CUEDC1: variants seen among roughly 807,000 people sequenced by gnomAD.
The protein encoded by CUEDC1 is CUE domain-containing protein 1.
CUEDC1 carries 30 observed loss-of-function variants against 43.7 expected under a neutral mutation model. The ratio of observed to expected loss-of-function variants is 0.69; its 90% confidence interval spans 0.51 to 0.93. CUEDC1 has a LOEUF of 0.93. Ranked by LOEUF, CUEDC1 falls within the 40% of genes least tolerant of loss-of-function variation. CUEDC1 has a pLI of 0.00. For synonymous variants in CUEDC1, 223 were observed against 223.6 expected (o/e 1.00, Z 0.02); for missense variants, 486 against 549.0 (o/e 0.89, Z 1.15).
intron 3 of CUEDC1, among the ~76,000 whole-genome samples, chr17:57,877,472 G>GA (rs1051914949): frequency 6.9e-5 from 10 of 145,192 alleles, no homozygotes; most frequent in South Asian, 2.2e-4. Flanking sequence ...TCTATTTAAA[G>GA]AAAAAAAAAT....
chr17:57,882,185 G>A (rs3785491), intron 2 of CUEDC1, among the ~76,000 whole-genome samples: 1 of 151,468 alleles, frequency 6.6e-6, no homozygotes. Context: ...CCCCAGAAAG[G>A]GTTTTTTTTT....
intron 7 of CUEDC1, among the ~76,000 whole-genome samples, chr17:57,868,697 T>C (rs1360579710): frequency 5.3e-5 from 8 of 151,990 alleles, no homozygotes; most frequent in Non-Finnish European, 7.4e-5. Context: ...CACATGGCTG[T>C]GGGTCTGTGT....
chr17:57,863,863 G>T (rs1380206092), intron 10 of CUEDC1, among the ~76,000 whole-genome samples: 2 of 151,670 alleles, frequency 1.3e-5, no homozygotes. Flanking sequence ...TAGCCGGGCG[G>T]GGTGGCACGT....
intron 1 of CUEDC1, among the ~76,000 whole-genome samples, chr17:57,917,860 C>T (rs1353870949): frequency 6.6e-6 from 1 of 152,208 alleles, no homozygotes; most frequent in Non-Finnish European, 1.5e-5. Flanking sequence ...CTCCTCCTGA[C>T]CCACCCCAAG....
rs569521836 is a variant in CUEDC1 at position 57,930,321 on chromosome 17, C to T, written c.-316+24904G>A. 2.1e-4 allele frequency among the ~76,000 whole-genome samples: 32 copies of T among 152,294 alleles called. No homozygotes were observed. Among genetic ancestry groups the T allele is most frequent in the African/African-American group, 6.5e-4 (27 of 41,570 alleles). ...TGTGAACTCCACCTGGCAAACAAGTCGGACTCCAGCAAAGGCTCACCAGTT... is the reference window on the plus strand; with the variant it reads ...TGTGAACTCCACCTGGCAAACAAGTTGGACTCCAGCAAAGGCTCACCAGTT... On this transcript the variant is annotated intron_variant, in intron 1 of 10. Transcript: ENST00000577830. The surrounding 1 kb of genome is among the most constrained non-coding windows in gnomAD (Gnocchi z 4.2).
chr17:57,869,605 C>T (rs947024062), intron 6 of CUEDC1, among the ~76,000 whole-genome samples: 8 of 152,328 alleles, frequency 5.3e-5, no homozygotes, highest in Middle Eastern at 6.8e-3. Context: ...GGGCCTCCTG[C>T]ACCCCGACAT....
chr17:57,883,534 G>A (rs2074244762), intron 2 of CUEDC1, among the ~76,000 whole-genome samples: 1 of 152,136 alleles, frequency 6.6e-6, no homozygotes, highest in Admixed American at 6.5e-5. Flanking sequence ...GACCAGCCTG[G>A]CCAACATGGT....
chr17:57,914,085 G>A (rs891584195), intron 1 of CUEDC1, among the ~76,000 whole-genome samples: 3 of 152,156 alleles, frequency 2.0e-5, no homozygotes, highest in Non-Finnish European at 2.9e-5. Context: ...CACCTGGAAG[G>A]CGGGATTTTT....
At chr17:57,870,068 C>G (rs1186866017) in intron 6 of CUEDC1, 2 of 152,580 alleles carry the variant, frequency 1.3e-5, no homozygotes, top group Admixed American at 6.5e-5. Context: ...TTTCTCCCTT[C>G]AAGCTGGGAT....
chr17:57,891,666 C>A (rs1342506995), intron 1 of CUEDC1, among the ~76,000 whole-genome samples: 1 of 152,202 alleles, frequency 6.6e-6, no homozygotes, highest in Non-Finnish European at 1.5e-5. Context: ...CACCTGGATC[C>A]TTGCTAGTCC....
At chr17:57,875,779 C>A (rs1444629521) in intron 3 of CUEDC1, among the ~76,000 whole-genome samples, 2 of 152,036 alleles carry the variant, frequency 1.3e-5, no homozygotes, top group African/African-American at 4.8e-5. Context: ...CAACTTCAAG[C>A]CCCATCGGAC....
chr17:57,871,130 G>A (rs2074028655), intron 6 of CUEDC1, among the ~76,000 whole-genome samples, 156 bp downstream of exon 6: 1 of 152,180 alleles, frequency 6.6e-6, no homozygotes, highest in African/African-American at 2.4e-5. Flanking sequence ...ATGGAGATGG[G>A]GGCAGAAGCA....
At chr17:57,926,717 T>A (rs1032800004) in intron 1 of CUEDC1, among the ~76,000 whole-genome samples, 2 of 152,266 alleles carry the variant, frequency 1.3e-5, no homozygotes, top group African/African-American at 2.4e-5. Flanking sequence ...GAAGTCATTA[T>A]AAAGTGAAGG....
intron 1 of CUEDC1, among the ~76,000 whole-genome samples, chr17:57,922,872 CCT>C (rs57540458): frequency 1.3e-5 from 2 of 148,774 alleles, no homozygotes; most frequent in Non-Finnish European, 3.0e-5. Flanking sequence ...GGAATTTCTC[CCT>C]CTCTCTTTTT....
chr17:57,944,360 G>A (rs2585834), intron 1 of CUEDC1, among the ~76,000 whole-genome samples: 85,020 of 151,172 alleles, frequency 0.56, 27,573 homozygotes, highest in East Asian at 0.97. Flanking sequence ...ACAGGCATGC[G>A]CCACCACGCC....
chr17:57,875,597 A>C (rs961376528), intron 3 of CUEDC1, among the ~76,000 whole-genome samples: 4 of 152,206 alleles, frequency 2.6e-5, no homozygotes, highest in Non-Finnish European at 5.9e-5. Flanking sequence ...AAAACTTCCA[A>C]GGCTGTAATT....
Position 57,905,136 on chromosome 17 carries a change from C to T in CUEDC1, c.-315-19257G>A, listed in dbSNP as rs778606715. On this transcript the variant is annotated intron_variant, in intron 1 of 10. Transcript: ENST00000577830. ...CCAGGCCTAACTGGGCCTTCCTGAGCGAATGAGGGGGCTGCATGCCTCGAG... is the reference window on the plus strand; with the variant it reads ...CCAGGCCTAACTGGGCCTTCCTGAGTGAATGAGGGGGCTGCATGCCTCGAG... Among the ~76,000 whole-genome samples, 38 of 151,996 alleles carry T rather than the reference C, an allele frequency of 2.5e-4. 1 individual carries two copies. The highest frequency in any genetic ancestry group is 1.9e-4 in the East Asian group (1 of 5,188).
intron 1 of CUEDC1, among the ~76,000 whole-genome samples, chr17:57,889,018 G>A (rs2074327963): frequency 6.6e-6 from 1 of 152,132 alleles, no homozygotes; most frequent in African/African-American, 2.4e-5. Context: ...CTCTCTGAGT[G>A]TTGAGAAGCT....
At chr17:57,935,543 C>T (rs1040681075) in intron 1 of CUEDC1, among the ~76,000 whole-genome samples, 1 of 152,138 alleles carries the variant, frequency 6.6e-6, no homozygotes, top group African/African-American at 2.4e-5. Context: ...GAAGGGGGTC[C>T]AGGAGTGACA....
Sources: gnomAD v4.1 joint callset for allele counts (sites outside exome capture counted in the v4.1 genomes callset) on GRCh38, gnomAD v4.1.1 for gene constraint, Gnocchi (gnomAD v3.1) non-coding constraint, MANE v1.5 for transcripts, NCBI Gene and HGNC (gene_info 2026-07-23, HGNC 2026-07-21) for gene names.